Variants in CFAP52 observed in about 807,000 individuals in gnomAD.
CFAP52 encodes the protein cilia and flagella associated protein 52.
In CFAP52, 57 loss-of-function variants were observed where a neutral mutation model predicts 70.5. The observed-to-expected ratio is 0.81, with a 90% CI of 0.65 to 1.01. CFAP52 has a LOEUF of 1.01. Ranked by LOEUF, CFAP52 falls within the 50% of genes least tolerant of loss-of-function variation. The pLI is 0.00. For synonymous variants in CFAP52, 267 were observed against 292.5 expected (o/e 0.91, Z 0.89); for missense variants, 785 against 788.5 (o/e 1.00, Z 0.05).
chr17:9,636,862 T>A (rs1380149676), intron 11 of CFAP52, among the ~76,000 whole-genome samples: 1 of 152,022 alleles, frequency 6.6e-6, no homozygotes, highest in South Asian at 2.1e-4. Flanking sequence ...CTGACCAACA[T>A]GGTGAAAGCC....
chr17:9,580,818 G>A lies in CFAP52; in HGVS notation c.70+4053G>A, dbSNP rs367749855. 3.2e-4 allele frequency among the ~76,000 whole-genome samples: 49 copies of A among 151,950 alleles called. No homozygotes were observed. In the South Asian group the frequency reaches 6.2e-3, roughly 19 times the overall value. On this transcript the variant is annotated intron_variant, in intron 1 of 13. Coordinates refer to ENST00000352665, the MANE Select transcript of CFAP52 (RefSeq NM_145054.5). ...GAAATGGTTCTCAATTACTACTGCC[G>A]GTATTAATTTTACAACCTTGTTGAA... is the stretch of plus-strand genomic sequence containing the variant.
At chr17:9,638,843 C>A (rs1452741400) in intron 12 of CFAP52, 132 bp downstream of exon 12, 16 of 822,766 alleles carry the variant, frequency 1.9e-5, no homozygotes, top group Non-Finnish European at 2.9e-5. Context: ...ATCAGCCATG[C>A]CACTTTGGAA....
At position 9,594,188 on chromosome 17, in the gene CFAP52, G is replaced by A; in HGVS notation, c.408-5G>A. 6.5e-7 allele frequency: 1 copy of A among 1,547,576 alleles called. No individual in the cohort carries two copies. Among genetic ancestry groups the A allele is most frequent in the South Asian group, 1.2e-5 (1 of 81,738 alleles). On this transcript the variant is annotated splice_polypyrimidine_tract_variant and splice_region_variant and intron_variant, in intron 3 of 13. Coordinates refer to ENST00000352665, the MANE Select transcript of CFAP52 (RefSeq NM_145054.5). ...TTTTTTTTTTGGTCCCTCTTATTTT[G>A]GCAGTGTGGTGGTGTGGAGCATAGC...
chr17:9,628,923 G>A, intron 9 of CFAP52, 103 bp downstream of exon 9: 1 of 1,504,008 alleles, frequency 6.6e-7, no homozygotes, highest in South Asian at 1.3e-5. Flanking sequence ...ACCTAGAACA[G>A]CCTCCCACTG....
intron 10 of CFAP52, among the ~76,000 whole-genome samples, chr17:9,634,367 G>A (rs1229224498): frequency 6.6e-6 from 1 of 152,152 alleles, no homozygotes; most frequent in Non-Finnish European, 1.5e-5. Flanking sequence ...AATACTGGCT[G>A]GGCCTGGTGG....
intron 4 of CFAP52, chr17:9,597,462 A>C (rs986195468): frequency 6.6e-6 from 1 of 152,166 alleles, no homozygotes; most frequent in East Asian, 1.9e-4. Context: ...TATGTATATA[A>C]ACATCATGAT....
chr17:9,607,163 T>C (rs1319799047), intron 6 of CFAP52, among the ~76,000 whole-genome samples: 2 of 152,130 alleles, frequency 1.3e-5, no homozygotes, highest in African/African-American at 2.4e-5. Context: ...CTGGCCAACA[T>C]GGCGAAACCC....
At chr17:9,603,064 G>A (rs140498095) in intron 6 of CFAP52, among the ~76,000 whole-genome samples, 1 of 152,160 alleles carries the variant, frequency 6.6e-6, no homozygotes, top group African/African-American at 2.4e-5. Context: ...AACACTACCT[G>A]AAAACTAGTG....
chr17:9,604,103 A>T (rs1262001454), intron 6 of CFAP52, among the ~76,000 whole-genome samples: 3 of 152,186 alleles, frequency 2.0e-5, no homozygotes, highest in Non-Finnish European at 4.4e-5. Flanking sequence ...ACCAAAAAAT[A>T]AAAATAAAAA....
At chr17:9,602,850 A>G (rs1403800144) in intron 6 of CFAP52, among the ~76,000 whole-genome samples, 2 of 152,150 alleles carry the variant, frequency 1.3e-5, no homozygotes, top group Non-Finnish European at 2.9e-5. Context: ...TTTGATTTAC[A>G]TTTCTCTAAT....
chr17:9,612,512 T>C, intron 8 of CFAP52, 33 bp downstream of exon 8: 1 of 1,601,852 alleles, frequency 6.2e-7, no homozygotes, highest in Non-Finnish European at 8.5e-7. Context: ...AATGTGGAGA[T>C]TTGATGCAGT....
rs1491394663 is a variant in CFAP52, at chr17:9,631,023, A to AG, written c.1175-1865_1175-1864insG. 7.6e-4 allele frequency among the ~76,000 whole-genome samples: 54 copies of AG among 71,014 alleles called. 1 individual carries two copies. Among genetic ancestry groups the AG allele is most frequent in the African/African-American group, 4.3e-3 (52 of 12,132 alleles). 46.6% of individuals were successfully genotyped at this position (71,014 alleles called of 152,430 possible). A position where few individuals can be genotyped will look rare whatever the true frequency, so the allele number is the denominator to read the frequency against. ...GAAAGAAAGAAAGAAAGAAAGAAAG[A>AG]AAGAAAGAGAGAGAGAGAGAGAGAG... On this transcript the variant is annotated intron_variant, in intron 9 of 13. Transcript: ENST00000352665.
chr17:9,606,513 A>G (rs1460170797), intron 6 of CFAP52, among the ~76,000 whole-genome samples: 3 of 152,190 alleles, frequency 2.0e-5, no homozygotes, highest in African/African-American at 7.2e-5. Flanking sequence ...ACGCCTAATG[A>G]GATAGGTACC....
Position 9,631,052 on chromosome 17 carries a change from G to GAAAGAAAGAAAAAA in CFAP52, c.1175-1835_1175-1834insAAGAAAGAAAAAAA, listed in dbSNP as rs1555544296. Among the ~76,000 whole-genome samples, 2 of 37,950 alleles carry GAAAGAAAGAAAAAA rather than the reference G, an allele frequency of 5.3e-5. 1 individual carries two copies. The highest frequency in any genetic ancestry group is 8.9e-5 in the Non-Finnish European group (2 of 22,404). 24.9% of individuals were successfully genotyped at this position (37,950 alleles called of 152,430 possible). A position where few individuals can be genotyped will look rare whatever the true frequency, so the allele number is the denominator to read the frequency against. The stretch of plus-strand genomic sequence containing the variant: ...AAAGAGAGAGAGAGAGAGAGAGAGA[G>GAAAGAAAGAAAAAA]AGAAAGAAAGAAAGAAAGAAAGAAA... On this transcript the variant is annotated intron_variant, in intron 9 of 13. Coordinates refer to ENST00000352665, the MANE Select transcript of CFAP52 (RefSeq NM_145054.5).
intron 3 of CFAP52, among the ~76,000 whole-genome samples, chr17:9,592,122 G>A (rs539536442): frequency 4.7e-4 from 71 of 152,130 alleles, no homozygotes; most frequent in Non-Finnish European, 7.4e-5. Context: ...CACAAGGTTT[G>A]CAATCATCAT....
chr17:9,582,958 A>G (rs1908294796), intron 1 of CFAP52, among the ~76,000 whole-genome samples: 1 of 152,136 alleles, frequency 6.6e-6, no homozygotes, highest in Non-Finnish European at 1.5e-5. Flanking sequence ...CATTTTTCAC[A>G]TAACTGGGTA....
chr17:9,624,969 T>C (rs2151946369), intron 8 of CFAP52, among the ~76,000 whole-genome samples: 2 of 152,296 alleles, frequency 1.3e-5, no homozygotes, highest in East Asian at 3.9e-4. Context: ...AAGCTCATCC[T>C]TTCCATGATT....
At position 9,608,782 on chromosome 17, in the gene CFAP52, C is replaced by T. The variant is rs141308784; in HGVS notation, c.854+563C>T. On this transcript the variant is annotated intron_variant, in intron 7 of 13. Transcript: ENST00000352665. Reference sequence around the variant, plus strand: ...TTGCCATAACAATGTGCTTATTCAGCACCTCCTCCAACCAAACCAATGTAT... The same window carrying T: ...TTGCCATAACAATGTGCTTATTCAGTACCTCCTCCAACCAAACCAATGTAT... 2.7e-3 allele frequency among the ~76,000 whole-genome samples: 411 copies of T among 152,026 alleles called. 1 individual carries two copies. The highest frequency in any genetic ancestry group is 4.1e-3 in the Non-Finnish European group (280 of 67,974).
rs148194324 is a variant in CFAP52 at position 9,603,575 on chromosome 17, T to C, written c.753+3392T>C. 3.4e-3 allele frequency among the ~76,000 whole-genome samples: 522 copies of C among 152,322 alleles called. 2 individuals are homozygous for C. Among genetic ancestry groups the C allele is most frequent in the African/African-American group, 0.012 (504 of 41,576 alleles). On this transcript the variant is annotated intron_variant, in intron 6 of 13. Transcript: ENST00000352665. ...TTGTCACGATATGAGTTCTTCTTAA[T>C]TTGAACTATAGATTTACTGCAATCC...
Sources: allele counts gnomAD v4.1 joint callset (sites outside exome capture counted in the v4.1 genomes callset), GRCh38; gene constraint gnomAD v4.1.1; transcripts MANE v1.5; gene names NCBI Gene and HGNC (gene_info 2026-07-23, HGNC 2026-07-21).